FAR2: variants seen among roughly 807,000 people sequenced by gnomAD.
FAR2 encodes fatty acyl-CoA reductase 2.
A neutral mutation model predicts 56.0 loss-of-function variants in FAR2; 19 were observed. That is an observed-to-expected ratio of 0.34 (90% CI 0.24 to 0.50). The LOEUF is 0.50. FAR2 is among the 20% of genes least tolerant of loss of function. The probability of loss-of-function intolerance (pLI) is 0.98; values close to 1 mark genes in which losing one functional copy is unlikely to be tolerated. For synonymous variants in FAR2, 219 were observed against 218.8 expected, an observed-to-expected ratio of 1.00 and a Z score of -0.01; for missense variants, 508 against 642.2, an observed-to-expected ratio of 0.79 and a Z score of 2.26.
intron 1 of FAR2, among the ~76,000 whole-genome samples, chr12:29,264,556 C>T (rs1363510507): frequency 6.6e-6 from 1 of 151,518 alleles, no homozygotes; most frequent in Admixed American, 6.6e-5. Context: ...GGGAGCATTG[C>T]TTGACCTCAG....
chr12:29,326,015 A>G (rs1389711322), intron 10 of FAR2, among the ~76,000 whole-genome samples: 1 of 152,146 alleles, frequency 6.6e-6, no homozygotes, highest in East Asian at 1.9e-4. Context: ...CAAGACTAAT[A>G]AAGAAGAAAA....
At chr12:29,282,305 A>G (rs749373969) in intron 2 of FAR2, 1 of 151,972 alleles carries the variant, frequency 6.6e-6, no homozygotes, top group South Asian at 2.1e-4. Context: ...TCTAAAACCA[A>G]CCTCTTATGC....
chr12:29,184,362 T>C (rs1424176850), intron 1 of FAR2, among the ~76,000 whole-genome samples: 6 of 151,918 alleles, frequency 3.9e-5, no homozygotes, highest in African/African-American at 1.5e-4. Context: ...TTCCACTCTT[T>C]CACTGTGAAC....
intron 1 of FAR2, among the ~76,000 whole-genome samples, chr12:29,246,295 A>G (rs1490959029): frequency 6.6e-6 from 1 of 152,152 alleles, no homozygotes; most frequent in East Asian, 1.9e-4. Flanking sequence ...GAAAGCAAGA[A>G]CTCAGAGAAA....
At chr12:29,279,409 C>G (rs1287241678) in intron 2 of FAR2, among the ~76,000 whole-genome samples, 1 of 152,218 alleles carries the variant, frequency 6.6e-6, no homozygotes. Context: ...ATCCTCTACC[C>G]TGTTAATTGA....
At chr12:29,241,538 C>A (rs1258171473) in intron 1 of FAR2, among the ~76,000 whole-genome samples, 1 of 152,154 alleles carries the variant, frequency 6.6e-6, no homozygotes, top group Non-Finnish European at 1.5e-5. Context: ...ATCTCTCCAG[C>A]TAATTCTCTT....
intron 1 of FAR2, among the ~76,000 whole-genome samples, chr12:29,255,563 G>C (rs1948304393): frequency 6.6e-6 from 1 of 152,092 alleles, no homozygotes; most frequent in African/African-American, 2.4e-5. Context: ...TATACTCCTA[G>C]TGCCCACAGC....
chr12:29,198,606 A>G (rs369375412), intron 1 of FAR2, among the ~76,000 whole-genome samples: 34 of 151,362 alleles, frequency 2.2e-4, no homozygotes, highest in East Asian at 1.8e-3. Context: ...TTGTTAGAAG[A>G]CAAAGGCTTT....
At chr12:29,331,014 G>C (rs991583229) in intron 10 of FAR2, among the ~76,000 whole-genome samples, 8 of 152,078 alleles carry the variant, frequency 5.3e-5, no homozygotes, top group Non-Finnish European at 8.8e-5. Context: ...TTCATTAATA[G>C]CAAGTATTTA....
chr12:29,211,670 T>C (rs1208443331), intron 1 of FAR2, among the ~76,000 whole-genome samples: 1 of 152,006 alleles, frequency 6.6e-6, no homozygotes, highest in Non-Finnish European at 1.5e-5. Context: ...TGTAACTTCA[T>C]AGCTGTAGAA....
At chr12:29,207,015 C>A (rs1024114298) in intron 1 of FAR2, among the ~76,000 whole-genome samples, 5 of 151,846 alleles carry the variant, frequency 3.3e-5, no homozygotes, top group African/African-American at 7.3e-5. Context: ...GTCTGCCAAC[C>A]AAAGCTTGTT....
intron 1 of FAR2, among the ~76,000 whole-genome samples, chr12:29,187,708 T>G (rs1451475405): frequency 6.6e-6 from 1 of 152,258 alleles, no homozygotes; most frequent in East Asian, 1.9e-4. Flanking sequence ...TAGAGAGTTG[T>G]GTAATCTGGA....
rs1241179377 is a variant in FAR2 at position 29,187,153 on chromosome 12, T to C, written c.-39+37746T>C. Among the ~76,000 whole-genome samples, 3 of 152,186 alleles carry C rather than the reference T, an allele frequency of 2.0e-5. No individual in the cohort carries two copies. In the East Asian group the frequency reaches 5.8e-4, roughly 29 times the overall value. On this transcript the variant is annotated intron_variant, in intron 1 of 11. Coordinates refer to ENST00000536681, the MANE Select transcript of FAR2 (RefSeq NM_001271783.2). ...GTAATTTTTCTTGCTGAAACTTCCA[T>C]AAACATTCCTGTATTTCCTCCAGCT...
intron 2 of FAR2, among the ~76,000 whole-genome samples, chr12:29,271,597 A>AT (rs1948619590): frequency 1.3e-5 from 2 of 152,224 alleles, no homozygotes; most frequent in Non-Finnish European, 2.9e-5. Context: ...AGCACAGCAC[A>AT]TTGTAGACTG....
chr12:29,286,883 CT>C (rs1469989145), intron 2 of FAR2, among the ~76,000 whole-genome samples: 1 of 151,890 alleles, frequency 6.6e-6, no homozygotes, highest in East Asian at 1.9e-4. Context: ...GCAAAATTGT[CT>C]TTAAGAACAG....
At chr12:29,268,505 C>T (rs761466237) in intron 1 of FAR2, among the ~76,000 whole-genome samples, 6 of 152,012 alleles carry the variant, frequency 3.9e-5, no homozygotes, top group Non-Finnish European at 7.4e-5. Flanking sequence ...CTTATGTGGA[C>T]AAACCAAGCC....
chr12:29,207,774 A>C (rs996922138), intron 1 of FAR2, among the ~76,000 whole-genome samples: 24 of 152,244 alleles, frequency 1.6e-4, no homozygotes, highest in African/African-American at 5.8e-4. Context: ...TTCAGCTTAC[A>C]GCTGGCACTT....
At chr12:29,313,502 G>A (rs1949388129) in intron 8 of FAR2, among the ~76,000 whole-genome samples, 1 of 151,852 alleles carries the variant, frequency 6.6e-6, no homozygotes, top group Non-Finnish European at 1.5e-5. Context: ...GTGTAATATT[G>A]GAGCAATCTA....
chr12:29,177,559 G>A (rs535873566), intron 1 of FAR2, among the ~76,000 whole-genome samples: 2 of 152,210 alleles, frequency 1.3e-5, no homozygotes, highest in East Asian at 1.9e-4. Context: ...GGTTTTCTCC[G>A]ACAGATGGAG....
Sources: allele counts gnomAD v4.1 joint callset (sites outside exome capture counted in the v4.1 genomes callset), GRCh38; gene constraint gnomAD v4.1.1; transcripts MANE v1.5; gene names NCBI Gene and HGNC (gene_info 2026-07-23, HGNC 2026-07-21).